The following C4orf51 variants were observed in gnomAD, a reference collection of about 807,000 sequenced individuals.
The protein encoded by C4orf51 is uncharacterized protein C4orf51.
In C4orf51, 25 loss-of-function variants were observed where a neutral mutation model predicts 25.2. The observed-to-expected ratio is 0.99, with a 90% CI of 0.72 to 1.39. The LOEUF (loss-of-function observed/expected upper bound fraction) is 1.39. C4orf51 is among the 40% of genes most tolerant of loss of function. The pLI is 0.00. For synonymous variants in C4orf51, 100 were observed against 84.5 expected, an observed-to-expected ratio of 1.18 and a Z score of -1.01; for missense variants, 252 against 239.6, an observed-to-expected ratio of 1.05 and a Z score of -0.34.
chr4:145,727,931 T>A (rs1346479940), intron 3 of C4orf51, among the ~76,000 whole-genome samples: 11 of 89,210 alleles, frequency 1.2e-4, no homozygotes, highest in East Asian at 2.9e-4. Context: ...ATAAAATATA[T>A]TATATATATA....
chr4:145,765,574 G>A lies in C4orf51; in HGVS notation n.167-5414G>A, dbSNP rs755276818. On this transcript the variant is annotated intron_variant and non_coding_transcript_variant, in intron 1 of 1. Transcript: ENST00000510096. This position sits in a 1 kb window ranked among gnomAD's most constrained non-coding sequence, Gnocchi z 4.7. ...TTCTCTGGCTTTTCCTCACTGTTCA[G>A]TGAGGGCTGGCTCCCAGGCATGACA... 7 of 1,613,916 alleles carry A rather than the reference G, an allele frequency of 4.3e-6. No homozygotes were observed. The highest frequency in any genetic ancestry group is 5.9e-6 in the Non-Finnish European group (7 of 1,179,924).
Position 145,726,923 on chromosome 4 carries a change from A to C in C4orf51, c.320A>C (p.Asp107Ala). The C allele has an allele frequency of 6.2e-7, 1 of 1,613,356 alleles. No individual in the cohort carries two copies. The highest frequency in any genetic ancestry group is 8.5e-7 in the Non-Finnish European group (1 of 1,179,388). ...CATGTGCATGCAGGACTATTCCCTG[A>C]TATAACCAGGCCCTTTAAAAAGTCA... ...ETTDIKGLFP[D>A]ITRPFKKSFD... Residue 107 changes from aspartate to alanine, a missense_variant, in exon 3 of 6, where the codon GAT becomes GCT. Coordinates refer to ENST00000438731, the MANE Select transcript of C4orf51 (RefSeq NM_001080531.3).
intron 1 of C4orf51, among the ~76,000 whole-genome samples, chr4:145,682,512 A>G (rs981647345): frequency 6.6e-6 from 1 of 152,220 alleles, no homozygotes; most frequent in African/African-American, 2.4e-5. Flanking sequence ...ACAAAACATA[A>G]AATGACTGAT....
At chr4:145,741,496 C>G (rs1269805351) in intron 1 of C4orf51, among the ~76,000 whole-genome samples, 1 of 152,028 alleles carries the variant, frequency 6.6e-6, no homozygotes, top group Non-Finnish European at 1.5e-5. Context: ...ATGGCCTACA[C>G]TTCAAAGGGT....
At chr4:145,714,888 G>T (rs1250505527) in intron 2 of C4orf51, among the ~76,000 whole-genome samples, 1 of 152,112 alleles carries the variant, frequency 6.6e-6, no homozygotes, top group Non-Finnish European at 1.5e-5. Context: ...CACCCCTCTT[G>T]CTCCCTCTTT....
downstream of C4orf51, among the ~76,000 whole-genome samples, chr4:145,771,325 C>T (rs1273674835): frequency 6.6e-6 from 1 of 152,180 alleles, no homozygotes; most frequent in Non-Finnish European, 1.5e-5. Flanking sequence ...ACAAATCCTT[C>T]TAGCTCTGGA....
At chr4:145,728,342 T>C (rs1210899534) in intron 3 of C4orf51, among the ~76,000 whole-genome samples, 1 of 152,090 alleles carries the variant, frequency 6.6e-6, no homozygotes, top group Admixed American at 6.6e-5. Flanking sequence ...GTTTTCCAAC[T>C]TGACAGATGA....
chr4:145,778,392 C>T, the C4orf51 span, among the ~76,000 whole-genome samples: 2 of 152,306 alleles, frequency 1.3e-5, no homozygotes, highest in African/African-American at 4.8e-5. Context: ...CCTTGGCCTC[C>T]CAAAGTGTTG....
the C4orf51 span, among the ~76,000 whole-genome samples, chr4:145,787,746 T>C: frequency 6.6e-6 from 1 of 152,170 alleles, no homozygotes; most frequent in African/African-American, 2.4e-5. Context: ...TCTATCAAAC[T>C]CTGTTTGACA....
chr4:145,734,400 GC>G (rs1289013975), downstream of C4orf51, among the ~76,000 whole-genome samples: 2 of 141,028 alleles, frequency 1.4e-5, no homozygotes, highest in East Asian at 4.8e-4. Flanking sequence ...CAGTACTGCG[GC>G]CTAATTTGGG....
At chr4:145,701,249 G>A (rs1730421527) in intron 2 of C4orf51, among the ~76,000 whole-genome samples, 1 of 148,404 alleles carries the variant, frequency 6.7e-6, no homozygotes, top group Non-Finnish European at 1.5e-5. Flanking sequence ...AAAAAAAGTG[G>A]CAATTCCTTG....
intron 2 of C4orf51, among the ~76,000 whole-genome samples, chr4:145,698,577 A>G (rs1730225655): frequency 6.6e-6 from 1 of 152,208 alleles, no homozygotes; most frequent in African/African-American, 2.4e-5. Flanking sequence ...GCCTACAGGT[A>G]GGTTTCAGAG....
At position 145,763,487 on chromosome 4, in the gene C4orf51, TTAGCACCGCACGG is replaced by T. The variant is rs1734827825; in HGVS notation, n.167-7500_167-7488del. On this transcript the variant is annotated intron_variant and non_coding_transcript_variant, in intron 1 of 1. Coordinates refer to the C4orf51 transcript ENST00000510096. The surrounding 1 kb of genome is among the most constrained non-coding windows in gnomAD (Gnocchi z 4.6). Reference sequence around the variant, plus strand: ...ACATAAACTATTACACAGGGGACGGTTAGCACCGCACGGGAAGTGTCTGTACCAGCAAAAGCAT... The same window carrying T: ...ACATAAACTATTACACAGGGGACGGTGAAGTGTCTGTACCAGCAAAAGCAT... Among the ~76,000 whole-genome samples, 1 of 152,250 alleles carries T rather than the reference TTAGCACCGCACGG, an allele frequency of 6.6e-6. No individual in the cohort carries two copies. Among genetic ancestry groups the T allele is most frequent in the South Asian group, 2.1e-4 (1 of 4,836 alleles).
chr4:145,771,789 T>G (rs1185763161), downstream of C4orf51, among the ~76,000 whole-genome samples: 1 of 152,242 alleles, frequency 6.6e-6, no homozygotes, highest in Non-Finnish European at 1.5e-5. Flanking sequence ...GAGCTTATCC[T>G]GTAGATCACA....
chr4:145,694,019 T>A (rs544913800), intron 1 of C4orf51, among the ~76,000 whole-genome samples: 2 of 105,438 alleles, frequency 1.9e-5, no homozygotes, highest in Admixed American at 1.0e-4. Context: ...GGCTCCTCAC[T>A]TCTCAGACGG....
downstream of C4orf51, among the ~76,000 whole-genome samples, chr4:145,773,766 G>A (rs559526485): frequency 1.1e-4 from 16 of 152,332 alleles, no homozygotes; most frequent in East Asian, 1.2e-3. Flanking sequence ...TGTTTCAGGA[G>A]AATCTGGTTT....
intron 2 of C4orf51, among the ~76,000 whole-genome samples, chr4:145,716,176 A>AT (rs1032566911): frequency 2.0e-5 from 3 of 151,726 alleles, no homozygotes; most frequent in Admixed American, 6.6e-5. Context: ...ACTCAATAAA[A>AT]TTTTTTTTTC....
Position 145,765,695 on chromosome 4 carries a change from T to C in C4orf51, n.167-5293T>C, listed in dbSNP as rs1282824292. The C allele has an allele frequency of 6.2e-7, 1 of 1,614,104 alleles. No homozygotes were observed. The highest frequency in any genetic ancestry group is 2.2e-5 in the East Asian group (1 of 44,870). The stretch of plus-strand genomic sequence containing the variant: ...AATCACTCAGAGCTGAGAGGGAGGA[T>C]GAAGAGGGGCTATTTGATTCGCTGG... On this transcript the variant is annotated intron_variant and non_coding_transcript_variant, in intron 1 of 1. Transcript: ENST00000510096. This position sits in a 1 kb window ranked among gnomAD's most constrained non-coding sequence, Gnocchi z 4.7.
At chr4:145,721,754 C>G (rs921055438) in intron 2 of C4orf51, among the ~76,000 whole-genome samples, 8 of 152,138 alleles carry the variant, frequency 5.3e-5, no homozygotes, top group South Asian at 2.1e-4. Context: ...ATAACATCAA[C>G]TAGGAGGTGG....
Sources: allele counts gnomAD v4.1 joint callset (sites outside exome capture counted in the v4.1 genomes callset), GRCh38; gene constraint gnomAD v4.1.1; non-coding constraint Gnocchi (gnomAD v3.1); transcripts MANE v1.5; gene names NCBI Gene and HGNC (gene_info 2026-07-23, HGNC 2026-07-21).